Variants in LRP1B observed in about 807,000 individuals in gnomAD.
LRP1B encodes the protein LDL receptor related protein 1B.
A neutral mutation model predicts 556.6 loss-of-function variants in LRP1B; 217 were observed. The ratio of observed to expected loss-of-function variants is 0.39; its 90% confidence interval spans 0.35 to 0.44. LRP1B has a LOEUF of 0.44. LRP1B is among the 20% of genes least tolerant of loss of function. The pLI, the probability that LRP1B is intolerant of heterozygous loss-of-function variation, is 1.00. For synonymous variants in LRP1B, 2,047 were observed against 1,865.8 expected, an observed-to-expected ratio of 1.10 and a Z score of -2.50; for missense variants, 5,053 against 5,620.8, an observed-to-expected ratio of 0.90 and a Z score of 3.23.
chr2:141,789,741 G>A (rs1367965231), intron 2 of LRP1B, among the ~76,000 whole-genome samples: 4 of 151,952 alleles, frequency 2.6e-5, no homozygotes, highest in Non-Finnish European at 5.9e-5. Flanking sequence ...GGTAGTATTG[G>A]TAAGGTGAGT....
intron 83 of LRP1B, among the ~76,000 whole-genome samples, chr2:140,310,414 C>CAA (rs10670842): frequency 0.43 from 53,749 of 124,380 alleles, 10,956 homozygotes; most frequent in Non-Finnish European, 0.48. Flanking sequence ...CATACGGAAC[C>CAA]AAAAAAAAAA....
rs559260366 is a variant in LRP1B at position 141,035,203 on chromosome 2, T to G, written c.1789+13783A>C. ...GGGAACATCACACTCTGGTGACTGTTGTGGGGTGGGGGAAGGGGGGAGGGA... is the reference window on the plus strand; with the variant it reads ...GGGAACATCACACTCTGGTGACTGTGGTGGGGTGGGGGAAGGGGGGAGGGA... On this transcript the variant is annotated intron_variant, in intron 11 of 90. Coordinates refer to ENST00000389484, the MANE Select transcript of LRP1B (RefSeq NM_018557.3). Among the ~76,000 whole-genome samples, 163 of 148,030 alleles carry G rather than the reference T, an allele frequency of 1.1e-3. 1 individual carries two copies. The highest frequency in any genetic ancestry group is 3.8e-3 in the African/African-American group (150 of 39,116).
intron 2 of LRP1B, among the ~76,000 whole-genome samples, chr2:141,527,643 A>G (rs1176375737): frequency 1.3e-5 from 2 of 152,136 alleles, no homozygotes; most frequent in African/African-American, 4.8e-5. Context: ...CTATACCAAA[A>G]TGAATGAATG....
At position 140,232,562 on chromosome 2, in the gene LRP1B, A is replaced by T. The variant is rs1166509244; in HGVS notation, c.*624T>A. The T allele has an allele frequency of 2.0e-5, 3 of 151,788 alleles. No individual in the cohort carries two copies. Among genetic ancestry groups the T allele is most frequent in the Non-Finnish European group, 3.0e-5 (2 of 67,572 alleles). 9.4% of individuals were successfully genotyped at this position (151,788 alleles called of 1,614,324 possible). On this transcript the variant is annotated 3_prime_UTR_variant, in exon 91 of 91. Coordinates refer to ENST00000389484, the MANE Select transcript of LRP1B (RefSeq NM_018557.3). The stretch of plus-strand genomic sequence containing the variant: ...GAGTCCACTAAGTTTTGGAAAATGT[A>T]GTCATCTGTGTTCATGCAAATTATT...
intron 2 of LRP1B, among the ~76,000 whole-genome samples, chr2:141,665,769 C>T (rs115769838): frequency 0.041 from 6,211 of 152,166 alleles, 169 homozygotes; most frequent in South Asian, 0.084. Flanking sequence ...AGATCATATC[C>T]TTTTCAGGGA....
intron 2 of LRP1B, among the ~76,000 whole-genome samples, chr2:141,518,369 T>C (rs1684402136): frequency 6.6e-6 from 1 of 151,972 alleles, no homozygotes; most frequent in Admixed American, 6.6e-5. Context: ...AAATTATATA[T>C]ATATTTATAT....
At chr2:141,679,586 C>A (rs977675874) in intron 2 of LRP1B, among the ~76,000 whole-genome samples, 1 of 152,082 alleles carries the variant, frequency 6.6e-6, no homozygotes, top group African/African-American at 2.4e-5. Context: ...CCTCAGGCTA[C>A]CAATCCCTCT....
At chr2:140,446,036 G>A (rs1686645144) in intron 63 of LRP1B, among the ~76,000 whole-genome samples, 1 of 142,790 alleles carries the variant, frequency 7.0e-6, no homozygotes, top group Non-Finnish European at 1.6e-5. Context: ...CTCTATATAT[G>A]GTCTGCTTCC....
At chr2:140,313,798 A>T (rs1047825192) in intron 83 of LRP1B, among the ~76,000 whole-genome samples, 8 of 151,896 alleles carry the variant, frequency 5.3e-5, no homozygotes, top group African/African-American at 2.4e-5. Flanking sequence ...ATACTTTATG[A>T]ACTAGCCTCC....
intron 21 of LRP1B, among the ~76,000 whole-genome samples, chr2:140,915,268 A>C (rs1694540888): frequency 1.3e-5 from 2 of 152,148 alleles, no homozygotes. Context: ...ATATAGAGAA[A>C]GAAAAATTAG....
At chr2:141,037,344 A>T (rs920267551) in intron 11 of LRP1B, among the ~76,000 whole-genome samples, 7 of 152,090 alleles carry the variant, frequency 4.6e-5, no homozygotes, top group Admixed American at 3.3e-4. Context: ...CTCCAGATAT[A>T]AATTTTACTT....
At chr2:141,610,798 G>A (rs1359280547) in intron 2 of LRP1B, among the ~76,000 whole-genome samples, 1 of 152,120 alleles carries the variant, frequency 6.6e-6, no homozygotes, top group Non-Finnish European at 1.5e-5. Context: ...CTGATGATTA[G>A]GAAAAGGAAA....
intron 3 of LRP1B, among the ~76,000 whole-genome samples, chr2:141,293,356 A>T (rs1686048593): frequency 6.6e-6 from 1 of 152,154 alleles, no homozygotes. Flanking sequence ...CTACCACTCA[A>T]TAATTATGTG....
chr2:141,150,749 C>T (rs867221280), intron 7 of LRP1B, among the ~76,000 whole-genome samples: 6 of 152,194 alleles, frequency 3.9e-5, no homozygotes, highest in Middle Eastern at 6.8e-3. Flanking sequence ...TCTTCCTGCT[C>T]CTTAGCTCAA....
At chr2:141,116,092 A>G (rs1700892257) in intron 7 of LRP1B, among the ~76,000 whole-genome samples, 1 of 152,188 alleles carries the variant, frequency 6.6e-6, no homozygotes, top group East Asian at 1.9e-4. Flanking sequence ...TGAGTTCTTT[A>G]AATAGCAGTA....
In LRP1B at chr2:141,698,169, C is replaced by T. The variant is rs575482059; in HGVS notation, c.205+112110G>A. On this transcript the variant is annotated intron_variant, in intron 2 of 90. Coordinates refer to ENST00000389484, the MANE Select transcript of LRP1B (RefSeq NM_018557.3). ...AACTTTTTTTGGCGGTGGAGGGTGG[C>T]GAGGTAGGGGGCACTTAAAAGTCAC... Among the ~76,000 whole-genome samples, 11 of 151,756 alleles carry T rather than the reference C, an allele frequency of 7.2e-5. No individual in the cohort carries two copies. The South Asian group carries it at 2.1e-3, about 29-fold the overall frequency.
intron 36 of LRP1B, 32 bp from the exon 37 acceptor site, chr2:140,716,134 AGTTTTG>A (rs1308031518): frequency 1.4e-6 from 2 of 1,458,818 alleles, no homozygotes; most frequent in Admixed American, 4.2e-5. Context: ...TTTATAATAC[AGTTTTG>A]AGAAAAAAAA....
At chr2:141,499,309 T>A (rs562164083) in intron 2 of LRP1B, among the ~76,000 whole-genome samples, 1 of 152,186 alleles carries the variant, frequency 6.6e-6, no homozygotes, top group East Asian at 1.9e-4. Flanking sequence ...AGGATTTTTA[T>A]CTTCAGGGTC....
intron 2 of LRP1B, among the ~76,000 whole-genome samples, chr2:141,484,824 A>T (rs1683060832): frequency 2.0e-5 from 3 of 152,042 alleles, no homozygotes; most frequent in South Asian, 2.1e-4. Flanking sequence ...GTATCCTGAG[A>T]CTTTGCTGAA....
Sources: allele counts gnomAD v4.1 joint callset (sites outside exome capture counted in the v4.1 genomes callset), GRCh38; gene constraint gnomAD v4.1.1; transcripts MANE v1.5; gene names NCBI Gene and HGNC (gene_info 2026-07-23, HGNC 2026-07-21).